PLEKHA2: variants seen among roughly 807,000 people sequenced by gnomAD.
PLEKHA2 encodes the protein pleckstrin homology domain-containing family A member 2.
In PLEKHA2, 28 loss-of-function variants were observed where a neutral mutation model predicts 53.2. The ratio of observed to expected loss-of-function variants is 0.53; its 90% confidence interval spans 0.39 to 0.72. PLEKHA2 has a LOEUF of 0.72. PLEKHA2 is among the 30% of genes least tolerant of loss of function. The probability of loss-of-function intolerance (pLI) is 0.00; values close to 1 mark genes in which losing one functional copy is unlikely to be tolerated. For missense variants in PLEKHA2, 426 were observed against 537.9 expected, an observed-to-expected ratio of 0.79 and a Z score of 2.06; for synonymous variants, 193 against 196.4, an observed-to-expected ratio of 0.98 and a Z score of 0.14.
intron 10 of PLEKHA2, among the ~76,000 whole-genome samples, chr8:38,963,109 A>G (rs532664508): frequency 6.6e-6 from 1 of 152,346 alleles, no homozygotes; most frequent in South Asian, 2.1e-4. Flanking sequence ...TATCTATTAT[A>G]GTGCTGGGCT....
intron 1 of PLEKHA2, among the ~76,000 whole-genome samples, chr8:38,908,001 GCA>G (rs1020478640): frequency 3.3e-5 from 5 of 152,010 alleles, no homozygotes; most frequent in African/African-American, 1.2e-4. Context: ...GACTATAGGT[GCA>G]CACCACCTCA....
chr8:38,929,665 A>G (rs931219860), intron 2 of PLEKHA2, among the ~76,000 whole-genome samples: 1 of 152,274 alleles, frequency 6.6e-6, no homozygotes, highest in African/African-American at 2.4e-5. Flanking sequence ...TGTCTGGCGC[A>G]TCATAATTTC....
chr8:38,911,729 C>T (rs563232751), intron 1 of PLEKHA2, among the ~76,000 whole-genome samples: 30 of 152,276 alleles, frequency 2.0e-4, no homozygotes, highest in South Asian at 4.1e-4. Flanking sequence ...AATCCCAGTA[C>T]TTTGGGAGGC....
chr8:38,918,613 A>C (rs1217522387), intron 2 of PLEKHA2, among the ~76,000 whole-genome samples: 16 of 150,492 alleles, frequency 1.1e-4, no homozygotes, highest in African/African-American at 1.7e-4. Context: ...CACATACACA[A>C]GCCATACACA....
Position 38,918,041 on chromosome 8 carries a change from T to A in PLEKHA2, c.112T>A (p.Cys38Ser). The A allele has an allele frequency of 6.2e-7, 1 of 1,613,324 alleles. No individual in the cohort carries two copies. The part of the protein sequence containing the change: ...RYFILDTQAN[C>S]LLWYMDNPQN... ...CTTCATTCTGGACACCCAGGCTAACTGCCTCCTCTGGTATATGGACAACCC... is the reference window on the plus strand; with the variant it reads ...CTTCATTCTGGACACCCAGGCTAACAGCCTCCTCTGGTATATGGACAACCC... Residue 38 changes from cysteine to serine, a missense_variant, in exon 2 of 12, where the codon TGC becomes AGC. Physicochemically the swap from Cys to Ser is moderately radical, Grantham distance 112 (BLOSUM62 -1). Transcript: ENST00000617275.
intron 2 of PLEKHA2, among the ~76,000 whole-genome samples, chr8:38,925,244 T>G (rs1465075718): frequency 5.3e-5 from 8 of 152,238 alleles, no homozygotes; most frequent in Admixed American, 1.3e-4. Flanking sequence ...GCTTGTATTT[T>G]GATTTCACAT....
intron 5 of PLEKHA2, among the ~76,000 whole-genome samples, chr8:38,949,077 G>C (rs982701698): frequency 6.6e-6 from 1 of 152,066 alleles, no homozygotes; most frequent in Non-Finnish European, 1.5e-5. Flanking sequence ...CACTATATTG[G>C]TCAGGCTAGT....
chr8:38,961,314 A>T (rs1243958752), intron 10 of PLEKHA2, among the ~76,000 whole-genome samples: 1 of 152,120 alleles, frequency 6.6e-6, no homozygotes, highest in Admixed American at 6.5e-5. Flanking sequence ...AAGGCAGTGG[A>T]TCATCTGAGG....
rs71216697 is a variant in PLEKHA2, at chr8:38,933,790, A to AAAAAAAAAAAAAAAAG, written c.142-2200_142-2199insAAAAAAAAAAAGAAAA. The stretch of plus-strand genomic sequence containing the variant: ...AATAGAGGTTTCCTAAAAAAAAAAA[A>AAAAAAAAAAAAAAAAG]AAAAGAAAAGAAAGAAAAGCAGTCG... On this transcript the variant is annotated intron_variant, in intron 2 of 11. Coordinates refer to ENST00000617275, the MANE Select transcript of PLEKHA2 (RefSeq NM_021623.2). Among the ~76,000 whole-genome samples the AAAAAAAAAAAAAAAAG allele has an allele frequency of 7.3e-3, 653 of 89,016 alleles. 4 individuals are homozygous for AAAAAAAAAAAAAAAAG. Among genetic ancestry groups the AAAAAAAAAAAAAAAAG allele is most frequent in the Non-Finnish European group, 0.011 (429 of 39,572 alleles). The allele number at this position is 89,016 out of a possible 152,430, so 58.4% of individuals were successfully genotyped here.
At chr8:38,928,974 T>C (rs1426724026) in intron 2 of PLEKHA2, among the ~76,000 whole-genome samples, 1 of 152,190 alleles carries the variant, frequency 6.6e-6, no homozygotes, top group Non-Finnish European at 1.5e-5. Flanking sequence ...GTGAGGGCTT[T>C]GGAATGTGGG....
At chr8:38,969,076 T>A (rs1447802594) in intron 11 of PLEKHA2, 5 of 308,676 alleles carry the variant, frequency 1.6e-5, no homozygotes, top group Non-Finnish European at 3.0e-5. Flanking sequence ...TTTTTTTGTA[T>A]TTTTAGTAGA....
intron 7 of PLEKHA2, 147 bp downstream of exon 7, chr8:38,952,459 G>C: frequency 7.3e-7 from 1 of 1,367,872 alleles, no homozygotes; most frequent in Non-Finnish European, 9.9e-7. Context: ...TTTTGGGACT[G>C]ACCTTTGGCT....
chr8:38,908,567 G>A (rs1833912325), intron 1 of PLEKHA2, among the ~76,000 whole-genome samples: 1 of 152,188 alleles, frequency 6.6e-6, no homozygotes, highest in African/African-American at 2.4e-5. Flanking sequence ...CATGCTCCCT[G>A]TAGAAGATTT....
rs1010430177 is a variant in PLEKHA2, at chr8:38,973,345, AT to A, written c.*3570del. 1.8e-4 allele frequency: 28 copies of A among 151,912 alleles called. No homozygotes were observed. The highest frequency in any genetic ancestry group is 6.3e-4 in the African/African-American group (26 of 41,410). 9.4% of individuals were successfully genotyped at this position (151,912 alleles called of 1,614,324 possible). On this transcript the variant is annotated 3_prime_UTR_variant, in exon 12 of 12. Transcript: ENST00000617275. Reference sequence around the variant, plus strand: ...CAGCTTCTTAGTCTACTTGAAGCAAATTTTTTTTCTTTTATATTTCTGAATA... The same window carrying A: ...CAGCTTCTTAGTCTACTTGAAGCAAATTTTTTTCTTTTATATTTCTGAATA...
Position 38,973,818 on chromosome 8 carries a change from C to T in PLEKHA2, c.*4035C>T, listed in dbSNP as rs1835297270. 4.8e-6 allele frequency: 1 copy of T among 210,362 alleles called. No individual in the cohort carries two copies. The highest frequency in any genetic ancestry group is 9.4e-6 in the Non-Finnish European group (1 of 106,104). The allele number at this position is 210,362 out of a possible 1,614,324, so 13.0% of individuals were successfully genotyped here. A position where few individuals can be genotyped will look rare whatever the true frequency, so the allele number is the denominator to read the frequency against. ...TGAGTGCATGGAAACTGTTACGCTT[C>T]TCATTTTATGTGATCTCCTAATTGG... On this transcript the variant is annotated 3_prime_UTR_variant, in exon 12 of 12. Coordinates refer to ENST00000617275, the MANE Select transcript of PLEKHA2 (RefSeq NM_021623.2).
At chr8:38,966,555 A>T (rs1186319327) in intron 10 of PLEKHA2, among the ~76,000 whole-genome samples, 1 of 151,868 alleles carries the variant, frequency 6.6e-6, no homozygotes, top group Admixed American at 6.6e-5. Flanking sequence ...GTTCACTTGA[A>T]CTCAACCCCT....
chr8:38,931,323 G>A (rs6986488), intron 2 of PLEKHA2, among the ~76,000 whole-genome samples: 7 of 152,132 alleles, frequency 4.6e-5, no homozygotes, highest in Non-Finnish European at 1.0e-4. Context: ...ATTCACATAA[G>A]CAGCCTTCCA....
intron 3 of PLEKHA2, among the ~76,000 whole-genome samples, chr8:38,940,588 G>A (rs1453263985): frequency 1.4e-5 from 2 of 144,172 alleles, no homozygotes; most frequent in Non-Finnish European, 3.0e-5. Context: ...ATGAGTGACT[G>A]ACAGATTAAC....
chr8:38,916,329 C>T (rs1834059985), intron 1 of PLEKHA2, among the ~76,000 whole-genome samples: 1 of 152,268 alleles, frequency 6.6e-6, no homozygotes, highest in Admixed American at 6.5e-5. Flanking sequence ...TATAGTTACC[C>T]TGTTGTACTA....
Sources: allele counts gnomAD v4.1 joint callset (sites outside exome capture counted in the v4.1 genomes callset), GRCh38; gene constraint gnomAD v4.1.1; transcripts MANE v1.5; gene names NCBI Gene and HGNC (gene_info 2026-07-23, HGNC 2026-07-21).